The following SLC25A21 variants were observed in gnomAD, a reference collection of about 807,000 sequenced individuals.
SLC25A21 encodes the protein mitochondrial 2-oxodicarboxylate carrier.
A neutral mutation model predicts 43.8 loss-of-function variants in SLC25A21; 47 were observed. That is an observed-to-expected ratio of 1.07 (90% confidence interval 0.85 to 1.37). The LOEUF is 1.37. SLC25A21 is among the 40% of genes most tolerant of loss of function. The pLI is 0.00. For synonymous variants in SLC25A21, 131 were observed against 121.3 expected (o/e 1.08, Z -0.52); for missense variants, 352 against 350.2 (o/e 1.00, Z -0.04).
At chr14:37,004,804 A>C (rs1689299863) in intron 1 of SLC25A21, among the ~76,000 whole-genome samples, 1 of 152,120 alleles carries the variant, frequency 6.6e-6, no homozygotes, top group Non-Finnish European at 1.5e-5. Flanking sequence ...CCGAGACTCA[A>C]ACCAGGTTTA....
intron 2 of SLC25A21, among the ~76,000 whole-genome samples, chr14:36,858,874 T>C (rs1381541178): frequency 6.6e-6 from 1 of 152,240 alleles, no homozygotes; most frequent in Non-Finnish European, 1.5e-5. Flanking sequence ...GTCATTTCTT[T>C]TTCCTTCCTA....
At chr14:36,747,246 G>T (rs1447304253) in intron 3 of SLC25A21, among the ~76,000 whole-genome samples, 1 of 152,070 alleles carries the variant, frequency 6.6e-6, no homozygotes, top group African/African-American at 2.4e-5. Context: ...GATGTTATTT[G>T]TCAGTAAAGG....
chr14:36,815,245 G>GTTGA, intron 2 of SLC25A21, among the ~76,000 whole-genome samples: 1 of 152,064 alleles, frequency 6.6e-6, no homozygotes, highest in East Asian at 1.9e-4. Context: ...TGTAAGACGG[G>GTTGA]TTGATAGGTG....
chr14:37,110,373 G>C (rs1450258541), intron 1 of SLC25A21, among the ~76,000 whole-genome samples: 1 of 152,136 alleles, frequency 6.6e-6, no homozygotes, highest in Non-Finnish European at 1.5e-5. Flanking sequence ...ATAGGCTTAT[G>C]GAGAACAGGT....
intron 1 of SLC25A21, among the ~76,000 whole-genome samples, chr14:36,968,143 C>T (rs1959661901): frequency 6.6e-6 from 1 of 152,146 alleles, no homozygotes; most frequent in Non-Finnish European, 1.5e-5. Context: ...AAGAGAGGGC[C>T]AGTGAGGAAT....
At chr14:36,942,320 A>G (rs983869472) in intron 1 of SLC25A21, among the ~76,000 whole-genome samples, 1 of 152,188 alleles carries the variant, frequency 6.6e-6, no homozygotes, top group African/African-American at 2.4e-5. Flanking sequence ...TATGCCATAC[A>G]TGCAAGGTAC....
rs531052923 is a variant in SLC25A21 at position 36,969,599 on chromosome 14, C to T, written c.71-94595G>A. On this transcript the variant is annotated intron_variant, in intron 1 of 9. Coordinates refer to ENST00000331299, the MANE Select transcript of SLC25A21 (RefSeq NM_030631.4). Reference sequence around the variant, plus strand: ...CAACTCCTAGGCTTAAATGATCCTCCCGCCTCAGCCTGTTTGGGAGCTGGG... The same window carrying T: ...CAACTCCTAGGCTTAAATGATCCTCTCGCCTCAGCCTGTTTGGGAGCTGGG... Among the ~76,000 whole-genome samples the T allele has an allele frequency of 8.6e-5, 13 of 151,892 alleles. No homozygotes were observed. The South Asian group carries it at 2.5e-3, about 29-fold the overall frequency.
intron 1 of SLC25A21, among the ~76,000 whole-genome samples, chr14:36,887,611 A>G (rs1473652956): frequency 1.3e-5 from 2 of 151,762 alleles, no homozygotes; most frequent in Non-Finnish European, 2.9e-5. Context: ...GCATTTCAAC[A>G]TTGGAAGGTC....
chr14:36,841,656 T>A (rs1172951439), intron 2 of SLC25A21, among the ~76,000 whole-genome samples: 1 of 152,226 alleles, frequency 6.6e-6, no homozygotes, highest in South Asian at 2.1e-4. Context: ...GTGCTATCAA[T>A]AGTCTTCCTG....
In SLC25A21 at chr14:36,741,321, AAC is replaced by A. The variant is rs755708408; in HGVS notation, c.204-6750_204-6749del. ...TTTGCAGCTCCCAGTGAGAAAGAAA[AAC>A]AGTGTAGCTGCTTCACAACTGACTT... On this transcript the variant is annotated intron_variant, in intron 3 of 9. Transcript: ENST00000331299. 1.2e-4 allele frequency among the ~76,000 whole-genome samples: 18 copies of A among 152,316 alleles called. No individual in the cohort carries two copies. In the South Asian group the frequency reaches 3.7e-3, roughly 32 times the overall value.
At chr14:37,096,071 A>T (rs1489289004) in intron 1 of SLC25A21, among the ~76,000 whole-genome samples, 1 of 152,192 alleles carries the variant, frequency 6.6e-6, no homozygotes, top group Admixed American at 6.5e-5. Flanking sequence ...AATAATAACA[A>T]AAGAGTGAAG....
intron 1 of SLC25A21, among the ~76,000 whole-genome samples, chr14:36,881,930 A>G (rs1408482194): frequency 1.3e-5 from 2 of 152,204 alleles, no homozygotes; most frequent in African/African-American, 4.8e-5. Context: ...TTTACTATAC[A>G]CAATGTTATT....
At chr14:36,857,577 A>G (rs1360742061) in intron 2 of SLC25A21, among the ~76,000 whole-genome samples, 2 of 152,272 alleles carry the variant, frequency 1.3e-5, no homozygotes, top group Non-Finnish European at 2.9e-5. Flanking sequence ...CAAAATGGTC[A>G]TCATTTAATT....
chr14:37,030,031 C>T (rs1303196208), intron 1 of SLC25A21, among the ~76,000 whole-genome samples: 2 of 152,208 alleles, frequency 1.3e-5, no homozygotes, highest in South Asian at 2.1e-4. Flanking sequence ...TCCCAAAGTG[C>T]TGGGATTACA....
At chr14:36,831,448 T>C (rs1052818765) in intron 2 of SLC25A21, among the ~76,000 whole-genome samples, 2 of 152,214 alleles carry the variant, frequency 1.3e-5, no homozygotes, top group South Asian at 2.1e-4. Context: ...AAAGCTCTGG[T>C]TGAAAAGCTC....
At chr14:36,862,472 AG>A in intron 2 of SLC25A21, among the ~76,000 whole-genome samples, 1 of 152,328 alleles carries the variant, frequency 6.6e-6, no homozygotes, top group African/African-American at 2.4e-5. Flanking sequence ...ACATGGATGA[AG>A]CTGGAAACCA....
chr14:36,721,847 T>C (rs995001574), intron 6 of SLC25A21, among the ~76,000 whole-genome samples: 1 of 152,222 alleles, frequency 6.6e-6, no homozygotes, highest in Non-Finnish European at 1.5e-5. Flanking sequence ...CTTTAAACTG[T>C]TCTATATTTT....
intron 1 of SLC25A21, among the ~76,000 whole-genome samples, chr14:37,038,860 G>C (rs1408527256): frequency 1.3e-5 from 2 of 152,104 alleles, no homozygotes; most frequent in African/African-American, 2.4e-5. Flanking sequence ...GGCCCCAGCC[G>C]ACCAGGGTCT....
chr14:36,816,700 C>G (rs1888468467), intron 2 of SLC25A21, among the ~76,000 whole-genome samples: 2 of 152,000 alleles, frequency 1.3e-5, no homozygotes, highest in Admixed American at 1.3e-4. Context: ...GGTGGCGTCT[C>G]CCCTTCTTGC....
Sources: gnomAD v4.1 joint callset for allele counts (sites outside exome capture counted in the v4.1 genomes callset) on GRCh38, gnomAD v4.1.1 for gene constraint, MANE v1.5 for transcripts, NCBI Gene and HGNC (gene_info 2026-07-23, HGNC 2026-07-21) for gene names.